The following PPP3CA variants were observed in gnomAD, a reference collection of about 807,000 sequenced individuals.
PPP3CA encodes protein phosphatase 3 catalytic subunit alpha, also known as CAM-PRP catalytic subunit.
A neutral mutation model predicts 66.5 loss-of-function variants in PPP3CA; 14 were observed. The observed-to-expected ratio is 0.21, with a 90% CI of 0.14 to 0.33. The LOEUF (loss-of-function observed/expected upper bound fraction) is 0.33, where lower values mean the gene tolerates loss of function less well. Among genes scored for constraint, PPP3CA ranks in the 10% least tolerant of loss-of-function variants. The probability of loss-of-function intolerance (pLI) is 1.00; values close to 1 mark genes in which losing one functional copy is unlikely to be tolerated. For missense variants in PPP3CA, 317 were observed against 639.5 expected, an observed-to-expected ratio of 0.50 and a Z score of 5.44; for synonymous variants, 232 against 226.2, an observed-to-expected ratio of 1.03 and a Z score of -0.23.
intron 11 of PPP3CA, among the ~76,000 whole-genome samples, chr4:101,037,216 G>A (rs1259523328): frequency 6.6e-6 from 1 of 152,078 alleles, no homozygotes; most frequent in Non-Finnish European, 1.5e-5. Flanking sequence ...TTCCACTGCT[G>A]GCCCATGAGA....
chr4:101,302,633 G>A (rs113854575), intron 1 of PPP3CA, among the ~76,000 whole-genome samples: 2,574 of 152,246 alleles, frequency 0.017, 59 homozygotes, highest in African/African-American at 0.051. Context: ...TGGTTCAAGC[G>A]ATTCTCCTGC....
At chr4:101,307,644 T>C (rs573103994) in intron 1 of PPP3CA, among the ~76,000 whole-genome samples, 1 of 152,330 alleles carries the variant, frequency 6.6e-6, no homozygotes, top group South Asian at 2.1e-4. Flanking sequence ...CACTAAAACA[T>C]GGTCAAGTAT....
chr4:101,281,243 G>T (rs1291746910), intron 1 of PPP3CA, among the ~76,000 whole-genome samples: 1 of 152,244 alleles, frequency 6.6e-6, no homozygotes, highest in Non-Finnish European at 1.5e-5. Flanking sequence ...TTGAGACAGT[G>T]AACGTACATA....
At chr4:101,198,896 A>G (rs1369144161) in intron 1 of PPP3CA, among the ~76,000 whole-genome samples, 1 of 152,062 alleles carries the variant, frequency 6.6e-6, no homozygotes, top group African/African-American at 2.4e-5. Context: ...AACAGGGGGG[A>G]CAAAGGAAAG....
At chr4:101,266,829 T>C (rs576321684) in intron 1 of PPP3CA, among the ~76,000 whole-genome samples, 114 of 152,330 alleles carry the variant, frequency 7.5e-4, no homozygotes, top group Non-Finnish European at 1.3e-3. Context: ...GTAGTATCTC[T>C]GGGTATAAAA....
chr4:101,131,003 G>C (rs1358668955), intron 2 of PPP3CA, among the ~76,000 whole-genome samples: 5 of 152,114 alleles, frequency 3.3e-5, no homozygotes, highest in Non-Finnish European at 7.3e-5. Flanking sequence ...GAGGTGGGCA[G>C]ATCACCTGAG....
chr4:101,335,634 G>A (rs1729605311), intron 1 of PPP3CA, among the ~76,000 whole-genome samples: 1 of 152,084 alleles, frequency 6.6e-6, no homozygotes, highest in African/African-American at 2.4e-5. Flanking sequence ...AATTTCAATG[G>A]GAAAGGCATG....
At chr4:101,131,591 A>C (rs1722442037) in intron 2 of PPP3CA, among the ~76,000 whole-genome samples, 1 of 152,188 alleles carries the variant, frequency 6.6e-6, no homozygotes, top group South Asian at 2.1e-4. Context: ...AGGAGCACCC[A>C]GATTCATAAA....
At chr4:101,153,671 C>CA (rs1183645357) in intron 2 of PPP3CA, among the ~76,000 whole-genome samples, 1 of 152,140 alleles carries the variant, frequency 6.6e-6, no homozygotes, top group Non-Finnish European at 1.5e-5. Flanking sequence ...TATTAGCACT[C>CA]AAGTAGGTAT....
chr4:101,269,800 A>G (rs1578613871), intron 1 of PPP3CA, among the ~76,000 whole-genome samples: 1 of 152,156 alleles, frequency 6.6e-6, no homozygotes, highest in Admixed American at 6.6e-5. Flanking sequence ...TATTTGTAAG[A>G]TAAGTGTCCA....
intron 1 of PPP3CA, among the ~76,000 whole-genome samples, chr4:101,282,240 T>C (rs1256883029): frequency 1.3e-5 from 2 of 152,146 alleles, no homozygotes; most frequent in East Asian, 1.9e-4. Context: ...CACACCTACC[T>C]AGAGGCCCCT....
At chr4:101,162,096 C>T (rs1334422574) in intron 2 of PPP3CA, among the ~76,000 whole-genome samples, 2 of 151,658 alleles carry the variant, frequency 1.3e-5, no homozygotes, top group South Asian at 2.1e-4. Context: ...AAAAATTAGC[C>T]GGGCATGGTG....
chr4:101,066,521 C>G (rs574280310), intron 8 of PPP3CA, among the ~76,000 whole-genome samples: 1 of 152,192 alleles, frequency 6.6e-6, no homozygotes, highest in East Asian at 1.9e-4. Context: ...TTATTTTTCT[C>G]TAGCTCAAAA....
At chr4:101,310,960 T>G (rs937611329) in intron 1 of PPP3CA, among the ~76,000 whole-genome samples, 4 of 152,180 alleles carry the variant, frequency 2.6e-5, no homozygotes, top group Non-Finnish European at 5.9e-5. Context: ...GTGAAAAATA[T>G]TAACACATTT....
intron 2 of PPP3CA, among the ~76,000 whole-genome samples, chr4:101,146,492 G>C (rs1007476593): frequency 3.3e-5 from 5 of 151,632 alleles, no homozygotes; most frequent in African/African-American, 1.2e-4. Context: ...GCCCAGACTG[G>C]AGTGCAGTGG....
chr4:101,326,818 A>T (rs1729223482), intron 1 of PPP3CA, among the ~76,000 whole-genome samples: 2 of 152,358 alleles, frequency 1.3e-5, no homozygotes, highest in African/African-American at 4.8e-5. Flanking sequence ...AACATCTCTG[A>T]ACAAGTAGCT....
At chr4:101,201,039 G>C (rs1212370199) in intron 1 of PPP3CA, among the ~76,000 whole-genome samples, 2 of 152,036 alleles carry the variant, frequency 1.3e-5, no homozygotes, top group Non-Finnish European at 2.9e-5. Context: ...ATTTTAAAAA[G>C]TTAAATATAA....
intron 3 of PPP3CA, among the ~76,000 whole-genome samples, chr4:101,107,055 G>A (rs1730786063): frequency 6.6e-6 from 1 of 152,192 alleles, no homozygotes; most frequent in African/African-American, 2.4e-5. Flanking sequence ...TTTTCCATCA[G>A]TTAAGCTGGT....
chr4:101,095,123 C>T (rs1730137075), intron 5 of PPP3CA, among the ~76,000 whole-genome samples: 2 of 152,004 alleles, frequency 1.3e-5, no homozygotes, highest in Admixed American at 6.6e-5. Context: ...ACATTTCAAC[C>T]ATTATGTTAG....
Sources: gnomAD v4.1 joint callset for allele counts (sites outside exome capture counted in the v4.1 genomes callset) on GRCh38, gnomAD v4.1.1 for gene constraint, MANE v1.5 for transcripts, NCBI Gene and HGNC (gene_info 2026-07-23, HGNC 2026-07-21) for gene names.